The following MIS18BP1 variants were observed in gnomAD, a reference collection of about 807,000 sequenced individuals.
The protein encoded by MIS18BP1 is mis18-binding protein 1.
A neutral mutation model predicts 116.1 loss-of-function variants in MIS18BP1; 72 were observed. The ratio of observed to expected loss-of-function variants is 0.62; its 90% CI spans 0.51 to 0.75. MIS18BP1 has a LOEUF of 0.75. Ranked by LOEUF, MIS18BP1 falls within the 30% of genes least tolerant of loss-of-function variation. The pLI is 0.00. For synonymous variants in MIS18BP1, 386 were observed against 427.0 expected, an observed-to-expected ratio of 0.90 and a Z score of 1.18; for missense variants, 1,363 against 1,303.2, an observed-to-expected ratio of 1.05 and a Z score of -0.71.
chr14:45,246,605 A>C (rs1891727269), intron 2 of MIS18BP1, 138 bp downstream of exon 2: 2 of 601,550 alleles, frequency 3.3e-6, no homozygotes, highest in African/African-American at 3.8e-5. Flanking sequence ...ATGTCTTCCC[A>C]CCATGTGAAT....
chr14:45,242,718 T>C, intron 3 of MIS18BP1, 43 bp downstream of exon 3: 1 of 1,531,052 alleles, frequency 6.5e-7, no homozygotes, highest in South Asian at 1.2e-5. Flanking sequence ...CATTTAACAA[T>C]ATACTTAAGT....
intron 13 of MIS18BP1, among the ~76,000 whole-genome samples, chr14:45,213,514 T>G (rs1295968431): frequency 1.3e-5 from 2 of 152,174 alleles, no homozygotes; most frequent in Non-Finnish European, 2.9e-5. Flanking sequence ...GGTCAGCAAA[T>G]GTTTTCTGTA....
At chr14:45,245,567 T>A (rs1029387129) in intron 2 of MIS18BP1, among the ~76,000 whole-genome samples, 1 of 152,110 alleles carries the variant, frequency 6.6e-6, no homozygotes, top group African/African-American at 2.4e-5. Flanking sequence ...TTTCTCCACA[T>A]TGGTCAGGCT....
At chr14:45,205,326 A>G (rs1890484466) in intron 15 of MIS18BP1, among the ~76,000 whole-genome samples, 1 of 152,152 alleles carries the variant, frequency 6.6e-6, no homozygotes, top group African/African-American at 2.4e-5. Flanking sequence ...AGAAAGCTCA[A>G]GTAACTTGCT....
At chr14:45,207,320 G>T (rs922589268) in intron 14 of MIS18BP1, among the ~76,000 whole-genome samples, 2 of 152,150 alleles carry the variant, frequency 1.3e-5, no homozygotes, top group African/African-American at 4.8e-5. Flanking sequence ...ATATTTATCT[G>T]AATCAAACAC....
intron 7 of MIS18BP1, 91 bp from the exon 8 acceptor site, chr14:45,231,389 C>T: frequency 8.7e-7 from 1 of 1,152,156 alleles, no homozygotes; most frequent in Non-Finnish European, 1.2e-6. Flanking sequence ...AAACCCCTCA[C>T]ATAAAGCTCT....
rs139375844 is a variant in MIS18BP1, at chr14:45,219,493, C to CATATAT, written c.2670-1045_2670-1040dup. Among the ~76,000 whole-genome samples, 539 of 151,774 alleles carry CATATAT rather than the reference C, an allele frequency of 3.6e-3. 8 individuals carry two copies. The highest frequency in any genetic ancestry group is 0.013 in the African/African-American group (520 of 41,384). ...CCACAGAGGTGAAGAGTCTCAAGAG[C>CATATAT]ATATATATATAATAAAATGGAAAAT... On this transcript the variant is annotated intron_variant, in intron 11 of 16. Coordinates refer to ENST00000310806, the MANE Select transcript of MIS18BP1 (RefSeq NM_018353.5).
chr14:45,218,400 C>T lies in MIS18BP1; in HGVS notation c.2724G>A (p.Ala908=), dbSNP rs768219506. The T allele has an allele frequency of 1.4e-5, 23 of 1,613,636 alleles. No individual in the cohort carries two copies. The highest frequency in any genetic ancestry group is 6.7e-5 in the African/African-American group (5 of 74,840). The part of the protein sequence containing the change: ...HKPGFWSEVA[A]AVGSRSPEEC... Reference sequence around the variant, plus strand: ...CTTCAGGAGATCGAGAACCTACAGCCGCAGCTACCTCTGACCAGAAACCAG... The same window carrying T: ...CTTCAGGAGATCGAGAACCTACAGCTGCAGCTACCTCTGACCAGAAACCAG... Residue 908 remains alanine (A), a synonymous_variant, in exon 12 of 17, where the codon GCG becomes GCA. Transcript: ENST00000310806.
chr14:45,236,143 T>C (rs1166392170), intron 5 of MIS18BP1, among the ~76,000 whole-genome samples, 199 bp from the exon 6 acceptor site: 1 of 152,236 alleles, frequency 6.6e-6, no homozygotes, highest in Non-Finnish European at 1.5e-5. Flanking sequence ...AAAACTATAC[T>C]GTGGCCAAAC....
At chr14:45,250,984 C>G (rs1204629304) in intron 1 of MIS18BP1, among the ~76,000 whole-genome samples, 1 of 149,416 alleles carries the variant, frequency 6.7e-6, no homozygotes, top group Non-Finnish European at 1.5e-5. Flanking sequence ...TTGCAGTGAG[C>G]CGACATCGCG....
At chr14:45,223,265 G>A (rs1282317596) in intron 11 of MIS18BP1, among the ~76,000 whole-genome samples, 2 of 151,804 alleles carry the variant, frequency 1.3e-5, no homozygotes, top group African/African-American at 4.9e-5. Flanking sequence ...CACTTGTGGG[G>A]CACCAAACTT....
chr14:45,243,304 A>C (rs1300881749), intron 2 of MIS18BP1, among the ~76,000 whole-genome samples: 2 of 152,158 alleles, frequency 1.3e-5, no homozygotes, highest in Non-Finnish European at 2.9e-5. Context: ...TAGTCGAAGA[A>C]TTGTAACTTA....
intron 7 of MIS18BP1, 151 bp from the exon 8 acceptor site, chr14:45,231,449 C>T (rs1353859684): frequency 5.0e-6 from 3 of 602,452 alleles, no homozygotes; most frequent in Non-Finnish European, 8.2e-6. Flanking sequence ...TCCTTCATGG[C>T]TTTCACTCCC....
intron 2 of MIS18BP1, among the ~76,000 whole-genome samples, chr14:45,243,864 CTATTTGTGTTTA>C (rs1232366067): frequency 6.6e-6 from 1 of 152,096 alleles, no homozygotes; most frequent in Non-Finnish European, 1.5e-5. Flanking sequence ...ATTTGTGTTT[CTATTTGTGTTTA>C]TATTTTCTGG....
intron 2 of MIS18BP1, among the ~76,000 whole-genome samples, chr14:45,244,677 G>T (rs1184396265): frequency 6.6e-6 from 1 of 152,168 alleles, no homozygotes; most frequent in Non-Finnish European, 1.5e-5. Context: ...CAGCTCTTCT[G>T]TGTTACCCAG....
intron 11 of MIS18BP1, among the ~76,000 whole-genome samples, chr14:45,219,608 A>T (rs1890918507): frequency 6.6e-6 from 1 of 152,228 alleles, no homozygotes; most frequent in African/African-American, 2.4e-5. Context: ...CTCAATTTGT[A>T]AAATTCTCCA....
chr14:45,250,452 T>A (rs572640017), intron 1 of MIS18BP1, among the ~76,000 whole-genome samples: 2 of 152,208 alleles, frequency 1.3e-5, no homozygotes, highest in East Asian at 3.9e-4. Flanking sequence ...CAGACATTAG[T>A]GGAGATTTAG....
chr14:45,251,455 A>C (rs901187212), intron 1 of MIS18BP1, among the ~76,000 whole-genome samples: 5 of 152,004 alleles, frequency 3.3e-5, no homozygotes, highest in African/African-American at 7.3e-5. Flanking sequence ...GAATGTAACT[A>C]CTCCTCCTCC....
chr14:45,224,376 G>C lies in MIS18BP1; in HGVS notation c.2211C>G (p.Leu737=), dbSNP rs775800559. 1 of 1,613,444 alleles carries C rather than the reference G, an allele frequency of 6.2e-7. No homozygotes were observed. The highest frequency in any genetic ancestry group is 8.5e-7 in the Non-Finnish European group (1 of 1,179,820). The stretch of plus-strand genomic sequence containing the variant: ...TGGTATTTTTCTTAAAGTCAGAGGT[G>C]AGCATTTGTTCCTTTTCAAGGTTAG... ...KISNLEKEQM[L]TSDFKKNTRL... The change falls in exon 11 of 17, where the codon CTC becomes CTG. Residue 737 remains leucine, a synonymous_variant. Transcript: ENST00000310806.
Sources: gnomAD v4.1 joint callset for allele counts (sites outside exome capture counted in the v4.1 genomes callset) on GRCh38, gnomAD v4.1.1 for gene constraint, MANE v1.5 for transcripts, NCBI Gene and HGNC (gene_info 2026-07-23, HGNC 2026-07-21) for gene names.